The following DAPK2 variants were observed in gnomAD, a reference collection of about 807,000 sequenced individuals.
The protein encoded by DAPK2 is death-associated protein kinase 2.
A neutral mutation model predicts 44.1 loss-of-function variants in DAPK2; 35 were observed. The ratio of observed to expected loss-of-function variants is 0.79; its 90% CI spans 0.61 to 1.05. The LOEUF is 1.05. DAPK2 is among the 50% of genes least tolerant of loss of function. The pLI is 0.00. For synonymous variants in DAPK2, 174 were observed against 182.6 expected, an observed-to-expected ratio of 0.95 and a Z score of 0.38; for missense variants, 453 against 483.2, an observed-to-expected ratio of 0.94 and a Z score of 0.59.
chr15:63,912,087 C>A lies in DAPK2; in HGVS notation c.948+21G>T. 6.2e-7 allele frequency: 1 copy of A among 1,609,018 alleles called. No homozygotes were observed. The highest frequency in any genetic ancestry group is 8.5e-7 in the Non-Finnish European group (1 of 1,177,632). On this transcript the variant is annotated intron_variant, in intron 9 of 10. Coordinates refer to ENST00000261891, the Ensembl canonical transcript of DAPK2. This position sits in a 1 kb window ranked among gnomAD's most constrained non-coding sequence, Gnocchi z 4.4. The stretch of plus-strand genomic sequence containing the variant: ...GCCCTAGCCCCCACCCTGTCCCCCG[C>A]CGCCCCAACCCTGGACACACCTTCC...
upstream of DAPK2, among the ~76,000 whole-genome samples, chr15:64,043,684 G>GA (rs1370280525): frequency 1.3e-5 from 2 of 152,202 alleles, no homozygotes; most frequent in Non-Finnish European, 2.9e-5. Context: ...TATATGGGAT[G>GA]ATTTTGTATG....
At chr15:63,965,469 G>A (rs975866800) in intron 3 of DAPK2, among the ~76,000 whole-genome samples, 1 of 152,122 alleles carries the variant, frequency 6.6e-6, no homozygotes, top group African/African-American at 2.4e-5. Context: ...TACTGGCTAT[G>A]TTTGCTCAAG....
intron 3 of DAPK2, among the ~76,000 whole-genome samples, chr15:63,955,351 G>A (rs187816807): frequency 1.3e-5 from 2 of 152,232 alleles, no homozygotes; most frequent in African/African-American, 2.4e-5. Context: ...TCTATCAAAT[G>A]CTTTTTCAGC....
intron 1 of DAPK2, among the ~76,000 whole-genome samples, chr15:64,002,916 C>CTGTGTGTGTGTGTGTGTGTG (rs3056849): frequency 2.9e-4 from 25 of 86,138 alleles, no homozygotes; most frequent in South Asian, 1.2e-3. Context: ...GACTGAGACA[C>CTGTGTGTGTGTGTGTGTGTG]TGTGTGTGTG....
At chr15:63,986,290 T>C (rs1157344489) in intron 1 of DAPK2, among the ~76,000 whole-genome samples, 1 of 152,218 alleles carries the variant, frequency 6.6e-6, no homozygotes, top group African/African-American at 2.4e-5. Flanking sequence ...TGCTAGAGAA[T>C]TGTGAAGACT....
In DAPK2 at chr15:64,000,186, T is replaced by TACAC. The variant is rs3056828; in HGVS notation, c.93-16436_93-16433dup. On this transcript the variant is annotated intron_variant, in intron 1 of 10. Coordinates refer to ENST00000261891, the Ensembl canonical transcript of DAPK2. ...GCCTGACTACTACTACTACTACTAC[T>TACAC]ACACACACACACACACACACACACA... Among the ~76,000 whole-genome samples the TACAC allele has an allele frequency of 6.0e-3, 894 of 147,920 alleles. 4 individuals are homozygous for TACAC. The highest frequency in any genetic ancestry group is 0.041 in the Middle Eastern group (12 of 292).
intron 2 of DAPK2, among the ~76,000 whole-genome samples, chr15:63,972,117 A>G (rs539659383): frequency 1.3e-5 from 2 of 152,354 alleles, no homozygotes; most frequent in East Asian, 3.9e-4. Flanking sequence ...TCTATGAGGA[A>G]GTGAACCTTC....
chr15:63,981,505 G>A (rs1266462270), intron 2 of DAPK2, among the ~76,000 whole-genome samples: 1 of 152,154 alleles, frequency 6.6e-6, no homozygotes, highest in Non-Finnish European at 1.5e-5. Context: ...TTAGAATTAT[G>A]TTAATTGGGG....
At chr15:63,981,083 C>T (rs2078495441) in intron 2 of DAPK2, among the ~76,000 whole-genome samples, 1 of 74,152 alleles carries the variant, frequency 1.3e-5, no homozygotes, top group Admixed American at 1.9e-4. Context: ...GAGCGAGACT[C>T]CATCTCAAAA....
chr15:63,983,764 C>T lies in DAPK2; in HGVS notation c.93-10G>A. 1 of 1,607,508 alleles carries T rather than the reference C, an allele frequency of 6.2e-7. No homozygotes were observed. The highest frequency in any genetic ancestry group is 8.5e-7 in the Non-Finnish European group (1 of 1,178,720). Reference sequence around the variant, plus strand: ...GATGGCAAACTGGCCACTGTGGGGACACAGACCCACAAGATTAGGTCATCA... The same window carrying T: ...GATGGCAAACTGGCCACTGTGGGGATACAGACCCACAAGATTAGGTCATCA... On this transcript the variant is annotated splice_polypyrimidine_tract_variant and intron_variant, in intron 1 of 10. Coordinates refer to ENST00000261891, the Ensembl canonical transcript of DAPK2.
At chr15:64,002,973 C>T (rs1433872575) in intron 1 of DAPK2, among the ~76,000 whole-genome samples, 3 of 75,518 alleles carry the variant, frequency 4.0e-5, no homozygotes, top group African/African-American at 6.0e-5. Context: ...TGTCGTGGGA[C>T]CTGTGTGTGT....
At chr15:64,033,796 T>C (rs2080098059) in intron 1 of DAPK2, among the ~76,000 whole-genome samples, 1 of 151,966 alleles carries the variant, frequency 6.6e-6, no homozygotes, top group African/African-American at 2.4e-5. Flanking sequence ...TAGTCCCAGC[T>C]ACTCTGGAGG....
intron 4 of DAPK2, among the ~76,000 whole-genome samples, chr15:63,937,532 G>T (rs142557192): frequency 1.5e-4 from 23 of 152,168 alleles, no homozygotes; most frequent in African/African-American, 5.5e-4. Flanking sequence ...CCCTGGTAGG[G>T]TATCAGTGAA....
At chr15:63,938,969 G>T (rs529092753) in intron 4 of DAPK2, among the ~76,000 whole-genome samples, 1 of 152,112 alleles carries the variant, frequency 6.6e-6, no homozygotes, top group Non-Finnish European at 1.5e-5. Flanking sequence ...CGCTACAAGG[G>T]TTTAACCTTA....
At chr15:63,971,155 C>T (rs949452071) in intron 3 of DAPK2, among the ~76,000 whole-genome samples, 27 of 152,286 alleles carry the variant, frequency 1.8e-4, no homozygotes, top group African/African-American at 6.5e-4. Context: ...AGTGTTCCCC[C>T]CTGCTCCCTG....
intron 1 of DAPK2, among the ~76,000 whole-genome samples, chr15:64,014,753 C>T (rs1470623015): frequency 6.6e-6 from 1 of 152,094 alleles, no homozygotes; most frequent in African/African-American, 2.4e-5. Context: ...AACCCCGTCT[C>T]TACTAAAAAT....
chr15:63,920,351 T>C (rs1436049208), intron 8 of DAPK2: 1 of 152,178 alleles, frequency 6.6e-6, no homozygotes, highest in Non-Finnish European at 1.5e-5. Context: ...AAGGTTGAGA[T>C]GCATGGGTTT....
At chr15:63,929,703 T>C (rs752151295) in intron 5 of DAPK2, 126 bp from the exon 7 acceptor site, 23 of 1,101,360 alleles carry the variant, frequency 2.1e-5, no homozygotes, top group Non-Finnish European at 2.7e-5. Flanking sequence ...GGATGCCGTC[T>C]CATGCTCCAC....
chr15:64,030,286 TCAAAAAC>T (rs1327745996), intron 1 of DAPK2, among the ~76,000 whole-genome samples: 4 of 151,896 alleles, frequency 2.6e-5, no homozygotes, highest in Non-Finnish European at 5.9e-5. Context: ...AAAATCCATC[TCAAAAAC>T]CAAAAACCAA....
Sources: gnomAD v4.1 joint callset for allele counts (sites outside exome capture counted in the v4.1 genomes callset) on GRCh38, gnomAD v4.1.1 for gene constraint, Gnocchi (gnomAD v3.1) non-coding constraint, MANE v1.5 for transcripts, NCBI Gene and HGNC (gene_info 2026-07-23, HGNC 2026-07-21) for gene names.